Variants in SLC25A48 observed in about 807,000 individuals in gnomAD.
SLC25A48 encodes solute carrier family 25 member 48, also known as CTC-321K16.1.
SLC25A48 carries 29 observed loss-of-function variants against 32.2 expected under a neutral mutation model. The ratio of observed to expected loss-of-function variants is 0.90; its 90% CI spans 0.67 to 1.23. SLC25A48 has a LOEUF of 1.23. Among genes scored for constraint, SLC25A48 ranks in the 50% most tolerant of loss-of-function variants. The pLI is 0.00. For synonymous variants in SLC25A48, 164 were observed against 172.3 expected (o/e 0.95, Z 0.38); for missense variants, 399 against 422.7 (o/e 0.94, Z 0.49).
chr5:135,723,421 AG>A (rs755347435), intron 3 of SLC25A48, among the ~76,000 whole-genome samples: 43 of 79,388 alleles, frequency 5.4e-4, no homozygotes, highest in East Asian at 1.3e-3. Context: ...CACAATGGGG[AG>A]GGGGACAGCT....
chr5:135,713,944 A>G (rs190513474), intron 3 of SLC25A48, among the ~76,000 whole-genome samples: 1 of 152,176 alleles, frequency 6.6e-6, no homozygotes, highest in Non-Finnish European at 1.5e-5. Context: ...AGATGGAAAC[A>G]CTTGCTTCTC....
At chr5:135,762,056 C>T (rs1036214181) in intron 3 of SLC25A48, among the ~76,000 whole-genome samples, 1 of 152,228 alleles carries the variant, frequency 6.6e-6, no homozygotes, top group African/African-American at 2.4e-5. Context: ...GCTGGCACAG[C>T]ACTGTCCGAC....
chr5:135,689,945 G>C (rs1431357127), intron 3 of SLC25A48, among the ~76,000 whole-genome samples: 2 of 152,140 alleles, frequency 1.3e-5, no homozygotes, highest in Admixed American at 1.3e-4. Context: ...TGTCTGCCTG[G>C]GGACTTGGGG....
chr5:135,677,579 TTTC>T (rs953815543), intron 3 of SLC25A48, among the ~76,000 whole-genome samples: 1 of 152,144 alleles, frequency 6.6e-6, no homozygotes, highest in African/African-American at 2.4e-5. Flanking sequence ...ATTTGAGTCT[TTTC>T]TCTTCCTCAT....
intron 3 of SLC25A48, among the ~76,000 whole-genome samples, chr5:135,703,695 C>T (rs568674135): frequency 1.3e-5 from 2 of 152,292 alleles, no homozygotes; most frequent in East Asian, 3.9e-4. Flanking sequence ...CTTTGAGGCA[C>T]TGACTGACAC....
At position 135,766,291 on chromosome 5, in the gene SLC25A48, GGAT is replaced by G. The variant is rs1756224744; in HGVS notation, c.-520-46228_-520-46226del. On this transcript the variant is annotated intron_variant, in intron 3 of 10. Coordinates refer to the SLC25A48 transcript ENST00000646290. ...TGTAATATCTGGGGAGTGGGTGAAA[GGAT>G]GATATTAATCTTCATATTGCGGTGG... Among the ~76,000 whole-genome samples, 3 of 151,560 alleles carry G rather than the reference GGAT, an allele frequency of 2.0e-5. No homozygotes were observed. The South Asian group carries it at 6.3e-4, about 32-fold the overall frequency.
At chr5:135,685,550 G>A (rs2004298) in intron 3 of SLC25A48, among the ~76,000 whole-genome samples, 120,029 of 151,442 alleles carry the variant, frequency 0.79, 47,911 homozygotes, top group Middle Eastern at 0.89. Flanking sequence ...CTCATACCTC[G>A]GCCTCCTGAG....
intron 1 of SLC25A48, among the ~76,000 whole-genome samples, chr5:135,614,506 T>C (rs559110058): frequency 1.3e-5 from 2 of 152,200 alleles, no homozygotes; most frequent in Non-Finnish European, 2.9e-5. Flanking sequence ...TTCAGTATGC[T>C]CTTAGCTGTG....
intron 3 of SLC25A48, among the ~76,000 whole-genome samples, chr5:135,689,741 T>C (rs1308749770): frequency 6.6e-6 from 1 of 152,188 alleles, no homozygotes; most frequent in Non-Finnish European, 1.5e-5. Context: ...TAACGCTGAA[T>C]TGTGCAAGAC....
intron 1 of SLC25A48, among the ~76,000 whole-genome samples, chr5:135,595,532 G>A (rs1319474303): frequency 6.6e-6 from 1 of 152,188 alleles, no homozygotes; most frequent in African/African-American, 2.4e-5. Context: ...CTGTCACCTT[G>A]AAAACTTCAG....
chr5:135,747,301 CT>C (rs776975381), intron 3 of SLC25A48, among the ~76,000 whole-genome samples: 5 of 148,240 alleles, frequency 3.4e-5, no homozygotes, highest in Admixed American at 1.3e-4. Context: ...TATACCCTCT[CT>C]TTTTTTTCTT....
chr5:135,844,471 G>A (rs919596053), intron 2 of SLC25A48, among the ~76,000 whole-genome samples: 1 of 152,194 alleles, frequency 6.6e-6, no homozygotes, highest in African/African-American at 2.4e-5. Context: ...TCAGTGGGGA[G>A]GCAGCATGGC....
intron 1 of SLC25A48, among the ~76,000 whole-genome samples, chr5:135,621,514 TTAA>T (rs1321280326): frequency 2.0e-5 from 3 of 152,134 alleles, no homozygotes; most frequent in Non-Finnish European, 4.4e-5. Flanking sequence ...TTCCAAGGCC[TTAA>T]TAATAATAAA....
At chr5:135,809,844 C>A (rs1403139701) in intron 3 of SLC25A48, among the ~76,000 whole-genome samples, 1 of 152,148 alleles carries the variant, frequency 6.6e-6, no homozygotes, top group Non-Finnish European at 1.5e-5. Flanking sequence ...AATGGACCTT[C>A]TTTTTTCTTG....
At chr5:135,775,886 A>T (rs1049753556) in intron 3 of SLC25A48, among the ~76,000 whole-genome samples, 3 of 149,456 alleles carry the variant, frequency 2.0e-5, no homozygotes, top group Non-Finnish European at 4.5e-5. Flanking sequence ...GGGAGGGGGG[A>T]GATGATGGTA....
intron 1 of SLC25A48, among the ~76,000 whole-genome samples, chr5:135,598,404 A>G (rs985271739): frequency 6.6e-6 from 1 of 152,090 alleles, no homozygotes; most frequent in African/African-American, 2.4e-5. Context: ...TTCCTCACTA[A>G]CATGTTCACC....
At chr5:135,717,683 A>G (rs1178402738) in intron 3 of SLC25A48, among the ~76,000 whole-genome samples, 1 of 152,078 alleles carries the variant, frequency 6.6e-6, no homozygotes, top group Non-Finnish European at 1.5e-5. Flanking sequence ...ACAAGCCAAG[A>G]ACTCCAAGGC....
chr5:135,807,041 A>G lies in SLC25A48; in HGVS notation c.-520-5482A>G, dbSNP rs1201748185. 2.7e-5 allele frequency among the ~76,000 whole-genome samples: 4 copies of G among 150,606 alleles called. No individual in the cohort carries two copies. The East Asian group carries it at 8.1e-4, about 30-fold the overall frequency. On this transcript the variant is annotated intron_variant, in intron 3 of 10. Transcript: ENST00000646290. ...ATTTTGTTAGTATCATAATGTGTTA[A>G]CACTAGATATTATAAATATCAAATA... is the stretch of plus-strand genomic sequence containing the variant.
In SLC25A48 at chr5:135,852,767, C is replaced by A. The variant is rs376094750; in HGVS notation, c.367C>A (p.Pro123Thr). ...AGVVSVGLGGPVDLIKIRLQM... is the reference protein window; with the variant it reads ...AGVVSVGLGGTVDLIKIRLQM... ...CGTGGTCTCTGTCGGGCTGGGAGGG[C>A]CCGTGGACCTCATCAAGATCCGGTT... Residue 123 changes from proline to threonine, a missense_variant, in exon 4 of 8, where the codon CCC becomes ACC. Transcript: ENST00000681962. The A allele has an allele frequency of 1.2e-6, 2 of 1,613,804 alleles. No individual in the cohort carries two copies. The highest frequency in any genetic ancestry group is 2.2e-5 in the South Asian group (2 of 91,070).
Sources: allele counts gnomAD v4.1 joint callset (sites outside exome capture counted in the v4.1 genomes callset), GRCh38; gene constraint gnomAD v4.1.1; transcripts MANE v1.5; gene names NCBI Gene and HGNC (gene_info 2026-07-23, HGNC 2026-07-21).